NKAIN2: variants seen among roughly 807,000 people sequenced by gnomAD.
The protein encoded by NKAIN2 is sodium/potassium-transporting ATPase subunit beta-1-interacting protein 2.
A neutral mutation model predicts 32.6 loss-of-function variants in NKAIN2; 14 were observed. That is an observed-to-expected ratio of 0.43 (90% CI 0.28 to 0.67). The LOEUF (loss-of-function observed/expected upper bound fraction) is 0.67. Among genes scored for constraint, NKAIN2 ranks in the 30% least tolerant of loss-of-function variants. The pLI is 0.17. For synonymous variants in NKAIN2, 80 were observed against 87.2 expected, an observed-to-expected ratio of 0.92 and a Z score of 0.46; for missense variants, 198 against 258.3, an observed-to-expected ratio of 0.77 and a Z score of 1.60.
intron 1 of NKAIN2, among the ~76,000 whole-genome samples, chr6:124,016,715 C>A (rs1206002506): frequency 6.6e-6 from 1 of 151,988 alleles, no homozygotes; most frequent in African/African-American, 2.4e-5. Flanking sequence ...AGTTTTAAAT[C>A]CTTCATAAAT....
At chr6:123,959,291 G>A (rs2114607404) in intron 1 of NKAIN2, among the ~76,000 whole-genome samples, 1 of 152,264 alleles carries the variant, frequency 6.6e-6, no homozygotes, top group Middle Eastern at 3.4e-3. Flanking sequence ...ATATCATGGA[G>A]CCATGTGGAG....
chr6:124,709,590 T>A (rs1285254979), intron 4 of NKAIN2, among the ~76,000 whole-genome samples: 7 of 150,030 alleles, frequency 4.7e-5, no homozygotes, highest in Admixed American at 3.3e-4. Flanking sequence ...GTTGAGGAAT[T>A]TATCCATTTC....
chr6:124,699,231 G>A (rs1242269954), intron 4 of NKAIN2, among the ~76,000 whole-genome samples: 1 of 152,162 alleles, frequency 6.6e-6, no homozygotes, highest in African/African-American at 2.4e-5. Context: ...AGCATTCAAG[G>A]TGGCTCACAG....
At chr6:123,985,305 C>G (rs1394710432) in intron 1 of NKAIN2, among the ~76,000 whole-genome samples, 1 of 152,082 alleles carries the variant, frequency 6.6e-6, no homozygotes, top group Non-Finnish European at 1.5e-5. Context: ...GAGGCTGAGG[C>G]AGGAGAATTG....
Position 124,457,398 on chromosome 6 carries a change from C to T in NKAIN2, c.273+102051C>T, listed in dbSNP as rs369626436. ...ATGTGTGTGAGAGAGTTTTGTTTTG[C>T]TTCTCACTGTAAGCCTTCCCGAAGT... On this transcript the variant is annotated intron_variant, in intron 3 of 6. Coordinates refer to ENST00000368417, the MANE Select transcript of NKAIN2 (RefSeq NM_001040214.3). 3.3e-5 allele frequency among the ~76,000 whole-genome samples: 5 copies of T among 152,032 alleles called. No homozygotes were observed. In the South Asian group the frequency reaches 6.2e-4, roughly 19 times the overall value.
intron 4 of NKAIN2, among the ~76,000 whole-genome samples, chr6:124,711,886 A>G (rs549592187): frequency 1.7e-3 from 252 of 152,206 alleles, no homozygotes; most frequent in African/African-American, 5.9e-3. Flanking sequence ...TTGGAGGAGG[A>G]GAGGCACTCT....
chr6:124,222,609 A>T (rs1463568247), intron 1 of NKAIN2, among the ~76,000 whole-genome samples: 2 of 152,136 alleles, frequency 1.3e-5, no homozygotes, highest in Admixed American at 1.3e-4. Context: ...ATATGCCCAA[A>T]CCTGGCAGTC....
chr6:123,948,546 G>T (rs1230286379), intron 1 of NKAIN2, among the ~76,000 whole-genome samples: 1 of 147,042 alleles, frequency 6.8e-6, no homozygotes, highest in Admixed American at 6.8e-5. Flanking sequence ...TATACCTGTT[G>T]GCTGTCATCT....
At chr6:124,243,354 G>T (rs1033652164) in intron 1 of NKAIN2, among the ~76,000 whole-genome samples, 1 of 151,994 alleles carries the variant, frequency 6.6e-6, no homozygotes, top group African/African-American at 2.4e-5. Flanking sequence ...AGTTAGCTGA[G>T]CATAGTAGCA....
chr6:124,808,154 T>C (rs910906695), intron 5 of NKAIN2, among the ~76,000 whole-genome samples: 1 of 152,016 alleles, frequency 6.6e-6, no homozygotes, highest in Admixed American at 6.6e-5. Flanking sequence ...ATCATCCTGA[T>C]ACCAAAGCCA....
chr6:124,261,479 A>G (rs1416567740), intron 1 of NKAIN2, among the ~76,000 whole-genome samples: 1 of 152,176 alleles, frequency 6.6e-6, no homozygotes, highest in Non-Finnish European at 1.5e-5. Context: ...CTTAGTAACA[A>G]CCTAGGTGAC....
At chr6:123,924,856 A>G (rs1775932519) in intron 1 of NKAIN2, among the ~76,000 whole-genome samples, 2 of 152,148 alleles carry the variant, frequency 1.3e-5, no homozygotes, top group African/African-American at 4.8e-5. Context: ...GAATGAAACT[A>G]GGAGATAATG....
intron 3 of NKAIN2, among the ~76,000 whole-genome samples, chr6:124,555,906 A>G (rs1361978155): frequency 6.6e-6 from 1 of 152,166 alleles, no homozygotes; most frequent in East Asian, 1.9e-4. Flanking sequence ...GGTTGGTGTC[A>G]CCACACCTCT....
intron 3 of NKAIN2, among the ~76,000 whole-genome samples, chr6:124,513,479 C>T (rs974719774): frequency 1.3e-5 from 2 of 152,122 alleles, no homozygotes; most frequent in Admixed American, 1.3e-4. Flanking sequence ...TTTAACTCTT[C>T]TATTTAGCCC....
intron 3 of NKAIN2, among the ~76,000 whole-genome samples, chr6:124,480,121 T>A (rs549992009): frequency 3.0e-4 from 46 of 152,192 alleles, no homozygotes; most frequent in Non-Finnish European, 5.4e-4. Context: ...GTTCATGACA[T>A]TACATAGACA....
chr6:124,708,123 C>G lies in NKAIN2; in HGVS notation c.474+49737C>G, dbSNP rs1302526787. ...AATCCTTTCCCCATTGCTTGTTTTTCTCAGGTTTGTCAAAGATCAGATAGT... is the reference window on the plus strand; with the variant it reads ...AATCCTTTCCCCATTGCTTGTTTTTGTCAGGTTTGTCAAAGATCAGATAGT... On this transcript the variant is annotated intron_variant, in intron 4 of 6. Transcript: ENST00000368417. Among the ~76,000 whole-genome samples, 25 of 148,292 alleles carry G rather than the reference C, an allele frequency of 1.7e-4. No homozygotes were observed. In the South Asian group the frequency reaches 3.7e-3, roughly 22 times the overall value.
intron 1 of NKAIN2, among the ~76,000 whole-genome samples, chr6:124,270,363 T>C (rs1794700639): frequency 6.6e-6 from 1 of 152,178 alleles, no homozygotes; most frequent in Non-Finnish European, 1.5e-5. Context: ...CTATACATTG[T>C]TTCTCTGATA....
chr6:124,701,276 T>C (rs1774778729), intron 4 of NKAIN2, among the ~76,000 whole-genome samples: 1 of 152,090 alleles, frequency 6.6e-6, no homozygotes, highest in African/African-American at 2.4e-5. Context: ...GTTGTAATAC[T>C]ATAAGAAAGG....
intron 4 of NKAIN2, among the ~76,000 whole-genome samples, chr6:124,772,754 T>TA (rs1778816702): frequency 6.6e-6 from 1 of 152,096 alleles, no homozygotes; most frequent in South Asian, 2.1e-4. Context: ...AGAGACAACT[T>TA]AGAGATCACA....
Sources: allele counts gnomAD v4.1 joint callset (sites outside exome capture counted in the v4.1 genomes callset), GRCh38; gene constraint gnomAD v4.1.1; transcripts MANE v1.5; gene names NCBI Gene and HGNC (gene_info 2026-07-23, HGNC 2026-07-21).